ERCC3: variants seen among roughly 807,000 people sequenced by gnomAD.
ERCC3 encodes the protein general transcription and DNA repair factor IIH helicase/translocase subunit XPB.
A neutral mutation model predicts 94.2 loss-of-function variants in ERCC3; 66 were observed. That is an observed-to-expected ratio of 0.70 (90% confidence interval 0.57 to 0.86). The LOEUF is 0.86. ERCC3 is among the 40% of genes least tolerant of loss of function. The pLI, the probability that ERCC3 is intolerant of heterozygous loss-of-function variation, is 0.00. For synonymous variants in ERCC3, 349 were observed against 369.1 expected, an observed-to-expected ratio of 0.95 and a Z score of 0.63; for missense variants, 829 against 987.1, an observed-to-expected ratio of 0.84 and a Z score of 2.15.
At chr2:127,269,368 C>T (rs377446792) in intron 12 of ERCC3, among the ~76,000 whole-genome samples, 2 of 151,706 alleles carry the variant, frequency 1.3e-5, no homozygotes, top group Non-Finnish European at 2.9e-5. Context: ...AAGAAAGGAG[C>T]CAAGTGTCAT....
intron 2 of ERCC3, among the ~76,000 whole-genome samples, chr2:127,293,203 G>A (rs755102096): frequency 6.6e-6 from 1 of 152,192 alleles, no homozygotes; most frequent in Non-Finnish European, 1.5e-5. Flanking sequence ...ATTATTTGAG[G>A]AAACAAACTG....
In ERCC3 at chr2:127,266,709, A is replaced by ATTTTT. The variant is rs960627621; in HGVS notation, c.1945+4622_1945+4626dup. On this transcript the variant is annotated intron_variant, in intron 12 of 14. Coordinates refer to ENST00000285398, the MANE Select transcript of ERCC3 (RefSeq NM_000122.2). ...TTTATGGCCAAACACATGATCAATT[A>ATTTTT]TTTTTTTTTTTTTTTTTTTTTTTTG... 4.4e-3 allele frequency among the ~76,000 whole-genome samples: 382 copies of ATTTTT among 87,310 alleles called. 7 individuals are homozygous for ATTTTT. Among genetic ancestry groups the ATTTTT allele is most frequent in the African/African-American group, 0.014 (279 of 19,328 alleles). The allele number at this position is 87,310 out of a possible 152,430, so 57.3% of individuals were successfully genotyped here. A position where few individuals can be genotyped will look rare whatever the true frequency, so the allele number is the denominator to read the frequency against.
chr2:127,274,457 G>A lies in ERCC3; in HGVS notation c.1731-1496C>T, dbSNP rs1412710884. 6.6e-6 allele frequency among the ~76,000 whole-genome samples: 1 copy of A among 152,230 alleles called. No homozygotes were observed. Among genetic ancestry groups the A allele is most frequent in the Non-Finnish European group, 1.5e-5 (1 of 68,038 alleles). ...CAGAAGCCTGAGCAGGTGGAACCTG[G>A]GAGTGGCTGCTCCACTGCCGAGGCC... On this transcript the variant is annotated intron_variant, in intron 10 of 14. Coordinates refer to ENST00000285398, the MANE Select transcript of ERCC3 (RefSeq NM_000122.2). This position sits in a 1 kb window ranked among gnomAD's most constrained non-coding sequence, Gnocchi z 4.0.
At position 127,292,599 on chromosome 2, in the gene ERCC3, C is replaced by A; in HGVS notation, c.471+11G>T. The A allele has an allele frequency of 6.5e-7, 1 of 1,548,132 alleles. No homozygotes were observed. The highest frequency in any genetic ancestry group is 8.9e-7 in the Non-Finnish European group (1 of 1,120,384). On this transcript the variant is annotated intron_variant, in intron 3 of 14. Transcript: ENST00000285398. ...GGGCAGGTGGAATTGCTGGTCTCAG[C>A]TGTCACTTGCCTTAATAAACTGCAT...
intron 12 of ERCC3, among the ~76,000 whole-genome samples, chr2:127,263,162 G>T (rs955722041): frequency 6.6e-6 from 1 of 152,182 alleles, no homozygotes; most frequent in African/African-American, 2.4e-5. Context: ...GGTTCCAGAT[G>T]AATTTTATAA....
rs1479882729 is a variant in ERCC3, at chr2:127,280,477, A to G, written c.1497T>C (p.Asn499=). 3.1e-6 allele frequency: 5 copies of G among 1,613,564 alleles called. No homozygotes were observed. In the Admixed American group the frequency reaches 6.7e-5, roughly 22 times the overall value. Residue 499 remains asparagine, a synonymous_variant, in exon 9 of 15, where the codon AAT becomes AAC. Coordinates refer to ENST00000285398, the MANE Select transcript of ERCC3 (RefSeq NM_000122.2). The surrounding 1 kb of genome is among the most constrained non-coding windows in gnomAD (Gnocchi z 6.3). ...YEANWMELQN[N]GYIAKVQCAE... The stretch of plus-strand genomic sequence containing the variant: ...CACACTGGACTTTGGCGATGTAGCC[A>G]TTATTCTGCAGCTCCATCCAGTTGG...
chr2:127,283,565 C>T (rs1684981983), intron 8 of ERCC3, among the ~76,000 whole-genome samples: 1 of 152,162 alleles, frequency 6.6e-6, no homozygotes, highest in Admixed American at 6.5e-5. Context: ...TTGTGTAAAC[C>T]TCTTTTCATG....
intron 13 of ERCC3, chr2:127,260,284 T>C (rs1418110179): frequency 6.6e-6 from 1 of 152,396 alleles, no homozygotes; most frequent in African/African-American, 2.4e-5. Context: ...TTGTGCCTTT[T>C]TGTCGAGGTC....
Position 127,272,933 on chromosome 2 carries a change from CCT to C in ERCC3, c.1757_1758del (p.Gln586ArgfsTer17), listed in dbSNP as rs774261851. On this transcript the variant is annotated frameshift_variant, in exon 11 of 15. Transcript: ENST00000285398. LOFTEE classifies it high-confidence loss of function. ...TTCTGGAGAATTTGCATCCTTTCCCCCTGAGACGTAGGTCCGTAGATATAGGG... is the reference window on the plus strand; with the variant it reads ...TTCTGGAGAATTTGCATCCTTTCCCCGAGACGTAGGTCCGTAGATATAGGG... ...NKPYIYGPTS[Q>X]GERMQILQNF... The C allele has an allele frequency of 1.9e-5, 31 of 1,612,838 alleles. No homozygotes were observed. Among genetic ancestry groups the C allele is most frequent in the East Asian group, 1.6e-4 (7 of 44,876 alleles).
Position 127,279,556 on chromosome 2 carries a change from G to A in ERCC3, c.1528-181C>T, listed in dbSNP as rs187293029. 2.5e-4 allele frequency among the ~76,000 whole-genome samples: 38 copies of A among 152,286 alleles called. No individual in the cohort carries two copies. The Middle Eastern group carries it at 0.017, about 68-fold the overall frequency. ...GCAGGCAGATCACTTGAGGCCAGGA[G>A]TTCAAGACCAGCCTGGCCAACACAG... On this transcript the variant is annotated intron_variant, in intron 9 of 14. Transcript: ENST00000285398. The surrounding 1 kb of genome is among the most constrained non-coding windows in gnomAD (Gnocchi z 4.7).
chr2:127,280,439 C>T lies in ERCC3; in HGVS notation c.1527+8G>A. ...TTTCCCAGACGCCCCCAGCCCAGGC[C>T]CAGCTACCTCAGCACACTGGACTTT... On this transcript the variant is annotated splice_region_variant and intron_variant, in intron 9 of 14. Coordinates refer to ENST00000285398, the MANE Select transcript of ERCC3 (RefSeq NM_000122.2). This position sits in a 1 kb window ranked among gnomAD's most constrained non-coding sequence, Gnocchi z 6.3. 1 of 1,609,006 alleles carries T rather than the reference C, an allele frequency of 6.2e-7. No individual in the cohort carries two copies. The highest frequency in any genetic ancestry group is 8.5e-7 in the Non-Finnish European group (1 of 1,177,932).
rs772467634 is a variant in ERCC3 at position 127,259,270 on chromosome 2, T to G, written c.2217+26A>C. ...GCTGCCCTGTGAGAGCACTGACACC[T>G]GGAACCTCCTCACCCATTTACTCAC... On this transcript the variant is annotated intron_variant, in intron 14 of 14. Transcript: ENST00000285398. The surrounding 1 kb of genome is among the most constrained non-coding windows in gnomAD (Gnocchi z 4.9). 3.1e-6 allele frequency: 5 copies of G among 1,613,910 alleles called. No homozygotes were observed. Among genetic ancestry groups the G allele is most frequent in the Non-Finnish European group, 4.2e-6 (5 of 1,179,938 alleles).
In ERCC3 at chr2:127,288,731, T is replaced by G. The variant is rs1189528251; in HGVS notation, c.956A>C (p.Tyr319Ser). Reference protein sequence around the residue: ...DLKPTAVLRPYQEKSLRKMFG... With the variant: ...DLKPTAVLRPSQEKSLRKMFG... ...CATCTTTCGCAAGCTCTTCTCCTGA[T>G]AGGGTCTGAGGACAGCTGTGGGCTT... The change falls in exon 7 of 15, where the codon TAT becomes TCT. Residue 319 changes from tyrosine to serine, a missense_variant. Transcript: ENST00000285398. The G allele has an allele frequency of 1.9e-6, 3 of 1,614,180 alleles. No individual in the cohort carries two copies.
chr2:127,272,404 T>C (rs189520573), intron 11 of ERCC3, among the ~76,000 whole-genome samples: 4 of 152,212 alleles, frequency 2.6e-5, no homozygotes, highest in Admixed American at 2.6e-4. Context: ...CAGCTTCTGA[T>C]TGCAGAGTAA....
chr2:127,262,295 C>A (rs1198990520), intron 12 of ERCC3: 1 of 152,178 alleles, frequency 6.6e-6, no homozygotes, highest in Non-Finnish European at 1.5e-5. Context: ...GAGTTTGAGA[C>A]CAGCCTGGCC....
intron 12 of ERCC3, chr2:127,262,794 CTTACAT>C (rs1032526415): frequency 1.6e-4 from 24 of 152,266 alleles, no homozygotes; most frequent in African/African-American, 5.5e-4. Flanking sequence ...AGTTTGAGGT[CTTACAT>C]TTACATCTTT....
chr2:127,289,877 G>A (rs1685207586), intron 4 of ERCC3, 53 bp from the exon 5 acceptor site: 3 of 1,585,560 alleles, frequency 1.9e-6, no homozygotes, highest in Non-Finnish European at 2.6e-6. Context: ...ACCTCCTGGA[G>A]ATTCCACTGC....
chr2:127,279,292 G>A lies in ERCC3; in HGVS notation c.1611C>T (p.Asn537=), dbSNP rs1684834559. 2 of 1,613,922 alleles carry A rather than the reference G, an allele frequency of 1.2e-6. No homozygotes were observed. Among genetic ancestry groups the A allele is most frequent in the East Asian group, 2.2e-5 (1 of 44,890 alleles). Residue 537 remains asparagine, a synonymous_variant, in exon 10 of 15, where the codon AAC becomes AAT. Coordinates refer to ENST00000285398, the MANE Select transcript of ERCC3 (RefSeq NM_000122.2). This position sits in a 1 kb window ranked among gnomAD's most constrained non-coding sequence, Gnocchi z 4.7. ...TKKRILLYTM[N]PNKFRACQFL... ...ACTGGCAAGCTCTAAATTTGTTGGG[G>A]TTCATGGTGTACAGCAAGATTCGTT... is the stretch of plus-strand genomic sequence containing the variant.
chr2:127,293,418 G>C, intron 2 of ERCC3, 95 bp downstream of exon 2: 1 of 1,139,136 alleles, frequency 8.8e-7, no homozygotes, highest in Non-Finnish European at 1.3e-6. Context: ...TCTAGGGGCA[G>C]TATCCTGAAT....
Sources: gnomAD v4.1 joint callset for allele counts (sites outside exome capture counted in the v4.1 genomes callset) on GRCh38, gnomAD v4.1.1 for gene constraint, Gnocchi (gnomAD v3.1) non-coding constraint, MANE v1.5 for transcripts, NCBI Gene and HGNC (gene_info 2026-07-23, HGNC 2026-07-21) for gene names.